Variants in TYW1B observed in about 807,000 individuals in gnomAD.
The protein encoded by TYW1B is tRNA-yW synthesizing protein 1 homolog B.
A neutral mutation model predicts 86.9 loss-of-function variants in TYW1B; 73 were observed. The observed-to-expected ratio is 0.84, with a 90% confidence interval of 0.70 to 1.02. The LOEUF is 1.02. TYW1B is among the 50% of genes least tolerant of loss of function. TYW1B has a pLI of 0.00. For missense variants in TYW1B, 637 were observed against 827.4 expected, an observed-to-expected ratio of 0.77 and a Z score of 2.82; for synonymous variants, 248 against 292.8, an observed-to-expected ratio of 0.85 and a Z score of 1.56.
At chr7:72,610,701 T>C (rs2129568288) in intron 13 of TYW1B, among the ~76,000 whole-genome samples, 1 of 152,312 alleles carries the variant, frequency 6.6e-6, no homozygotes, top group Admixed American at 6.5e-5. Context: ...GAGCTAGAAT[T>C]CCTGGACTCA....
rs192154849 is a variant in TYW1B, at chr7:72,709,952, G to A, written c.1370+3669C>T. On this transcript the variant is annotated intron_variant, in intron 10 of 13. Transcript: ENST00000620995. ...TGAAGATGGCAATCAAGGCTAGTAC[G>A]AACATCTTGTCGTATTCCACGATCC... Among the ~76,000 whole-genome samples the A allele has an allele frequency of 5.1e-3, 774 of 152,244 alleles. 7 individuals carry two copies. The highest frequency in any genetic ancestry group is 8.8e-3 in the Non-Finnish European group (597 of 68,014).
At chr7:72,781,290 C>T (rs782485576) in intron 6 of TYW1B, among the ~76,000 whole-genome samples, 1 of 152,082 alleles carries the variant, frequency 6.6e-6, no homozygotes, top group Non-Finnish European at 1.5e-5. Flanking sequence ...AAGAAGCAAG[C>T]CTCGGCATCA....
chr7:72,756,201 T>TTTTTATTGTATTTTA (rs1787584867), intron 7 of TYW1B, among the ~76,000 whole-genome samples: 1 of 138,788 alleles, frequency 7.2e-6, no homozygotes, highest in Non-Finnish European at 1.6e-5. Flanking sequence ...GTTTATTATT[T>TTTTTATTGTATTTTA]TTTTATTTTA....
intron 11 of TYW1B, among the ~76,000 whole-genome samples, chr7:72,691,679 C>T (rs1382452091): frequency 5.9e-5 from 9 of 152,138 alleles, no homozygotes; most frequent in African/African-American, 2.2e-4. Context: ...CTGTTTACTC[C>T]CATTTAAATC....
chr7:72,794,645 A>G (rs1339435685), intron 6 of TYW1B, among the ~76,000 whole-genome samples: 2 of 152,132 alleles, frequency 1.3e-5, no homozygotes, highest in African/African-American at 4.8e-5. Context: ...TCAGCTTCTC[A>G]GAGTACATTT....
intron 6 of TYW1B, among the ~76,000 whole-genome samples, chr7:72,777,933 A>G (rs1268309126): frequency 6.6e-6 from 1 of 152,100 alleles, no homozygotes; most frequent in African/African-American, 2.4e-5. Context: ...AAATAATTAT[A>G]AATAATTTTT....
In TYW1B at chr7:72,826,931, T is replaced by A; in HGVS notation, c.59A>T (p.Asn20Ile). 6.2e-7 allele frequency: 1 copy of A among 1,613,906 alleles called. No homozygotes were observed. The highest frequency in any genetic ancestry group is 8.5e-7 in the Non-Finnish European group (1 of 1,179,958). Reference protein sequence around the residue: ...LSSPLISLWINRFYIYLGFAV... With the variant: ...LSSPLISLWIIRFYIYLGFAV... ...AAAGCCCAGATAAATGTAAAACCTG[T>A]TTATCCATAATGATATTAAAGGTGA... The change falls in exon 2 of 14, where the codon AAC becomes ATC. Residue 20 changes from asparagine to isoleucine, a missense_variant. Transcript: ENST00000620995.
chr7:72,638,694 C>G (rs1420025200), intron 11 of TYW1B, among the ~76,000 whole-genome samples: 1 of 152,172 alleles, frequency 6.6e-6, no homozygotes, highest in Non-Finnish European at 1.5e-5. Flanking sequence ...ACAAAGAAAA[C>G]AGATTTGGAA....
chr7:72,707,973 T>A (rs149528574), intron 10 of TYW1B, among the ~76,000 whole-genome samples: 61 of 152,334 alleles, frequency 4.0e-4, no homozygotes, highest in Admixed American at 9.2e-4. Context: ...TGTGTGAAGA[T>A]GTGCCTGCTT....
At chr7:72,656,209 A>C (rs1441798316) in intron 11 of TYW1B, among the ~76,000 whole-genome samples, 2 of 152,192 alleles carry the variant, frequency 1.3e-5, no homozygotes, top group African/African-American at 4.8e-5. Context: ...CACACCACTG[A>C]CATTGATTAC....
At chr7:72,725,627 T>C (rs1554458508) in intron 9 of TYW1B, among the ~76,000 whole-genome samples, 1 of 152,160 alleles carries the variant, frequency 6.6e-6, no homozygotes, top group Admixed American at 6.6e-5. Flanking sequence ...TAAAGTAGAT[T>C]GCCCGTCATA....
chr7:72,778,120 C>T lies in TYW1B; in HGVS notation c.847-587G>A, dbSNP rs569291729. ...AACCATAAATCTACAATTCACTTAA[C>T]TAAGTGTCAAACATTTTCAGCAATC... On this transcript the variant is annotated intron_variant, in intron 6 of 13. Coordinates refer to ENST00000620995, the MANE Select transcript of TYW1B (RefSeq NM_001145440.3). Among the ~76,000 whole-genome samples, 103 of 152,238 alleles carry T rather than the reference C, an allele frequency of 6.8e-4. 1 individual carries two copies. Among genetic ancestry groups the T allele is most frequent in the Non-Finnish European group, 1.1e-3 (77 of 68,006 alleles).
chr7:72,623,801 T>C (rs879973859), intron 12 of TYW1B, among the ~76,000 whole-genome samples: 1 of 152,172 alleles, frequency 6.6e-6, no homozygotes, highest in Non-Finnish European at 1.5e-5. Context: ...TTGCTGTTGT[T>C]ATTTATTAAT....
At chr7:72,669,279 A>C (rs1813538828) in intron 11 of TYW1B, among the ~76,000 whole-genome samples, 1 of 151,036 alleles carries the variant, frequency 6.6e-6, no homozygotes, top group African/African-American at 2.4e-5. Flanking sequence ...CAAGTAGCTC[A>C]GATCACAGGC....
chr7:72,612,281 A>C (rs10253503), intron 13 of TYW1B, among the ~76,000 whole-genome samples: 1,952 of 152,242 alleles, frequency 0.013, 39 homozygotes, highest in African/African-American at 0.045. Context: ...ATAATGACCC[A>C]CTGGGACAAA....
intron 9 of TYW1B, chr7:72,723,234 T>A (rs1786937754): frequency 2.8e-6 from 1 of 351,876 alleles, no homozygotes; most frequent in Non-Finnish European, 5.1e-6. Context: ...CCCCTGTCCC[T>A]GGGGTTATTT....
chr7:72,673,164 C>A (rs2129569759), intron 11 of TYW1B, among the ~76,000 whole-genome samples: 1 of 152,312 alleles, frequency 6.6e-6, no homozygotes, highest in South Asian at 2.1e-4. Flanking sequence ...AAGACTCCGT[C>A]TCAATAAAAT....
intron 6 of TYW1B, among the ~76,000 whole-genome samples, chr7:72,791,085 A>G (rs1265054532): frequency 6.6e-6 from 1 of 152,148 alleles, no homozygotes; most frequent in Non-Finnish European, 1.5e-5. Context: ...ACAGCCCTAG[A>G]TATAATCTCT....
At position 72,706,330 on chromosome 7, in the gene TYW1B, G is replaced by A. The variant is rs192739764; in HGVS notation, c.1370+7291C>T. Among the ~76,000 whole-genome samples, 1,190 of 150,608 alleles carry A rather than the reference G, an allele frequency of 7.9e-3. 22 individuals carry two copies. Among genetic ancestry groups the A allele is most frequent in the African/African-American group, 0.027 (1,120 of 40,948 alleles). On this transcript the variant is annotated intron_variant, in intron 10 of 13. Transcript: ENST00000620995. ...TAATCCCAGCTACCTGGGAGGCTGAGGCAGGAGAATCACTTGAACCCGGGA... is the reference window on the plus strand; with the variant it reads ...TAATCCCAGCTACCTGGGAGGCTGAAGCAGGAGAATCACTTGAACCCGGGA...
Sources: gnomAD v4.1 joint callset for allele counts (sites outside exome capture counted in the v4.1 genomes callset) on GRCh38, gnomAD v4.1.1 for gene constraint, MANE v1.5 for transcripts, NCBI Gene and HGNC (gene_info 2026-07-23, HGNC 2026-07-21) for gene names.